Variants in ATXN2 observed in about 807,000 individuals in gnomAD.
ATXN2 encodes ataxin-2.
In ATXN2, 37 loss-of-function variants were observed where a neutral mutation model predicts 138.6. That is an observed-to-expected ratio of 0.27 (90% CI 0.21 to 0.35). ATXN2 has a LOEUF of 0.35. ATXN2 is among the 10% of genes least tolerant of loss of function. The pLI is 1.00. For synonymous variants in ATXN2, 549 were observed against 543.7 expected (o/e 1.01, Z -0.13); for missense variants, 1,216 against 1,480.3 (o/e 0.82, Z 2.93).
chr12:111,464,687 C>T lies in ATXN2; in HGVS notation c.2871G>A (p.Glu957=), dbSNP rs1244169588. Residue 957 remains glutamate, a synonymous_variant, in exon 21 of 25, where the codon GAG becomes GAA. Transcript: ENST00000673436. ...TGGCAAAGTAGAAAGAAGGGCTTGT[C>T]TCCTTGTTGTATGGTAATTTGGGAC... is the stretch of plus-strand genomic sequence containing the variant. ...YACPKLPYNK[E]TSPSFYFAIS... The T allele has an allele frequency of 6.2e-7, 1 of 1,611,230 alleles. No individual in the cohort carries two copies. The highest frequency in any genetic ancestry group is 1.7e-5 in the Admixed American group (1 of 59,966).
intron 23 of ATXN2, chr12:111,455,004 G>A (rs958094543): frequency 1.3e-5 from 9 of 702,454 alleles, no homozygotes; most frequent in African/African-American, 5.2e-5. Context: ...TTTGCAGGGT[G>A]AGGACGCCCA....
upstream of ATXN2, chr12:111,599,470 G>C (rs1885157659): frequency 4.1e-6 from 5 of 1,213,276 alleles, no homozygotes; most frequent in Non-Finnish European, 5.1e-6. Context: ...GGCGAGACTC[G>C]GTGGCCACCG....
intron 14 of ATXN2, among the ~76,000 whole-genome samples, chr12:111,491,895 A>G (rs2135706489): frequency 6.6e-6 from 1 of 152,236 alleles, no homozygotes; most frequent in East Asian, 1.9e-4. Context: ...ACAATAAAGC[A>G]GATTCCTAAA....
intron 14 of ATXN2, among the ~76,000 whole-genome samples, chr12:111,495,057 G>C (rs565217457): frequency 2.6e-5 from 4 of 152,264 alleles, no homozygotes; most frequent in Admixed American, 2.6e-4. Context: ...TGTAATCCCA[G>C]GACTTTGGGA....
chr12:111,484,500 T>G (rs538403541), intron 18 of ATXN2, among the ~76,000 whole-genome samples: 41 of 151,406 alleles, frequency 2.7e-4, no homozygotes. Context: ...TGGCACGATC[T>G]TGGCTCACTG....
intron 14 of ATXN2, among the ~76,000 whole-genome samples, chr12:111,489,990 G>A (rs993795135): frequency 6.6e-6 from 1 of 151,768 alleles, no homozygotes; most frequent in Non-Finnish European, 1.5e-5. Context: ...ATCACTTGAG[G>A]TCAGGAGTTT....
intron 14 of ATXN2, among the ~76,000 whole-genome samples, chr12:111,504,642 C>T (rs751613022): frequency 2.6e-5 from 4 of 151,830 alleles, no homozygotes; most frequent in African/African-American, 4.8e-5. Flanking sequence ...TACCTACATA[C>T]GGAAGAATGA....
intron 5 of ATXN2, among the ~76,000 whole-genome samples, chr12:111,535,285 G>A (rs547743314): frequency 1.6e-4 from 24 of 152,296 alleles, no homozygotes; most frequent in Admixed American, 3.3e-4. Flanking sequence ...TAAAACTCTA[G>A]TTAGTAAGGT....
At chr12:111,596,855 G>T (rs1884964039) in intron 1 of ATXN2, among the ~76,000 whole-genome samples, 5 of 152,108 alleles carry the variant, frequency 3.3e-5, no homozygotes. Context: ...AAACTACTCA[G>T]GAGCAAATTC....
rs1883966352 is a variant in ATXN2 at position 111,581,002 on chromosome 12, GT to G, written c.251+17781del. Among the ~76,000 whole-genome samples, 3 of 151,854 alleles carry G rather than the reference GT, an allele frequency of 2.0e-5. No individual in the cohort carries two copies. The South Asian group carries it at 6.2e-4, about 32-fold the overall frequency. Reference sequence around the variant, plus strand: ...AAAATACAAAACCTAGCCGGCTGTGGTGGCAGGTGCCTGTAGTCCCAGCTAC... The same window carrying G: ...AAAATACAAAACCTAGCCGGCTGTGGGGCAGGTGCCTGTAGTCCCAGCTAC... On this transcript the variant is annotated intron_variant, in intron 1 of 24. Transcript: ENST00000673436.
intron 5 of ATXN2, among the ~76,000 whole-genome samples, chr12:111,525,926 C>T (rs1223087009): frequency 1.3e-5 from 2 of 151,990 alleles, no homozygotes; most frequent in Admixed American, 1.3e-4. Context: ...TAGTGATACC[C>T]CCACCTTGGC....
intron 1 of ATXN2, among the ~76,000 whole-genome samples, chr12:111,594,865 C>A (rs1884854275): frequency 6.6e-6 from 1 of 152,160 alleles, no homozygotes. Flanking sequence ...TTCATTCCTG[C>A]ACTTTACTCA....
At chr12:111,483,194 T>TAC (rs59840296) in intron 18 of ATXN2, among the ~76,000 whole-genome samples, 9,838 of 94,898 alleles carry the variant, frequency 0.1, 417 homozygotes, top group South Asian at 0.13. Flanking sequence ...ATCAAACACA[T>TAC]ACACACACAC....
At chr12:111,542,626 C>A (rs1256043271) in intron 5 of ATXN2, among the ~76,000 whole-genome samples, 2 of 152,236 alleles carry the variant, frequency 1.3e-5, no homozygotes, top group South Asian at 2.1e-4. Context: ...ACCACCACAC[C>A]CGGCTAATTT....
chr12:111,453,648 C>G lies in ATXN2; in HGVS notation c.3439+29G>C. 1 of 1,519,100 alleles carries G rather than the reference C, an allele frequency of 6.6e-7. No individual in the cohort carries two copies. Among genetic ancestry groups the G allele is most frequent in the Non-Finnish European group, 8.9e-7 (1 of 1,129,846 alleles). 94.1% of individuals were successfully genotyped at this position (1,519,100 alleles called of 1,614,324 possible). A position where few individuals can be genotyped will look rare whatever the true frequency, so the allele number is the denominator to read the frequency against. On this transcript the variant is annotated intron_variant, in intron 24 of 24. Coordinates refer to ENST00000673436, the MANE Select transcript of ATXN2 (RefSeq NM_001372574.1). The surrounding 1 kb of genome is among the most constrained non-coding windows in gnomAD (Gnocchi z 5.4). ...TGCGAGCAGAATGCTTTGGGGTGCC[C>G]CGGCGGCCCCTGCACACACACGCCT... is the stretch of plus-strand genomic sequence containing the variant.
intron 10 of ATXN2, 48 bp from the exon 11 acceptor site, chr12:111,513,587 G>A (rs1879672935): frequency 2.6e-6 from 4 of 1,540,600 alleles, no homozygotes; most frequent in Non-Finnish European, 3.5e-6. Flanking sequence ...ATATTCATCA[G>A]TACTACTTTT....
intron 20 of ATXN2, among the ~76,000 whole-genome samples, chr12:111,465,819 A>C (rs1875968029): frequency 6.6e-6 from 1 of 150,880 alleles, no homozygotes; most frequent in South Asian, 2.1e-4. Context: ...AAAAAAAATT[A>C]AAGTAACTTC....
At chr12:111,592,805 G>C (rs191627513) in intron 1 of ATXN2, among the ~76,000 whole-genome samples, 2 of 56,040 alleles carry the variant, frequency 3.6e-5, no homozygotes, top group Non-Finnish European at 7.5e-5. Flanking sequence ...AAAAAAAAAA[G>C]ATAATAGGTG....
chr12:111,461,884 T>G (rs540688301), intron 21 of ATXN2, among the ~76,000 whole-genome samples: 2 of 147,336 alleles, frequency 1.4e-5, no homozygotes, highest in Admixed American at 6.8e-5. Flanking sequence ...ATCGCACCAC[T>G]GCACTCCAGC....
Sources: allele counts gnomAD v4.1 joint callset (sites outside exome capture counted in the v4.1 genomes callset), GRCh38; gene constraint gnomAD v4.1.1; non-coding constraint Gnocchi (gnomAD v3.1); transcripts MANE v1.5; gene names NCBI Gene and HGNC (gene_info 2026-07-23, HGNC 2026-07-21).